CARD10: variants seen among roughly 807,000 people sequenced by gnomAD.
The protein encoded by CARD10 is caspase recruitment domain family member 10.
Under a neutral mutation model 114.6 loss-of-function variants are expected in CARD10, and 49 were observed. The observed-to-expected ratio is 0.43, with a 90% CI of 0.34 to 0.54. The LOEUF (loss-of-function observed/expected upper bound fraction) is 0.54. Ranked by LOEUF, CARD10 falls within the 20% of genes least tolerant of loss-of-function variation. The pLI is 0.03. For synonymous variants in CARD10, 602 were observed against 593.2 expected, an observed-to-expected ratio of 1.01 and a Z score of -0.21; for missense variants, 1,206 against 1,397.2, an observed-to-expected ratio of 0.86 and a Z score of 2.18.
chr22:37,508,953 A>G (rs1298689075), intron 4 of CARD10: 19 of 1,530,228 alleles, frequency 1.2e-5, no homozygotes, highest in Non-Finnish European at 1.7e-5. Flanking sequence ...AAGTTCACCC[A>G]GGATTATTCC....
rs1437062452 is a variant in CARD10 at position 37,502,654 on chromosome 22, C to T, written c.1735G>A (p.Gly579Arg). ...SSSSDSVWPL[G>R]KPEGLLARGC... ...CGAGCCAGGAGGCCTTCCGGCTTTC[C>T]CAAAGGCCACACGCTGTCAGAGGAT... is the stretch of plus-strand genomic sequence containing the variant. The change falls in exon 11 of 20, where the codon GGA becomes AGA. Residue 579 changes from glycine (G) to arginine (R), a missense_variant. Transcript: ENST00000251973. 1 of 1,613,960 alleles carries T rather than the reference C, an allele frequency of 6.2e-7. No homozygotes were observed. The highest frequency in any genetic ancestry group is 8.5e-7 in the Non-Finnish European group (1 of 1,179,978).
chr22:37,518,179 C>G, intron 1 of CARD10, 71 bp from the exon 2 acceptor site: 1 of 1,510,870 alleles, frequency 6.6e-7, no homozygotes, highest in African/African-American at 1.4e-5. Flanking sequence ...TGCTTCTGCC[C>G]CCACCATGCT....
intron 15 of CARD10, chr22:37,494,423 C>T: frequency 3.5e-6 from 2 of 573,812 alleles, no homozygotes; most frequent in South Asian, 2.1e-5. Context: ...CCCGGGAAGC[C>T]AGCCCGTCTG....
chr22:37,510,509 G>A, intron 3 of CARD10, 88 bp from the exon 4 acceptor site: 1 of 1,193,448 alleles, frequency 8.4e-7, no homozygotes, highest in Non-Finnish European at 1.2e-6. Context: ...CCTCACTCCT[G>A]GGTGCCTCCC....
At chr22:37,499,392 C>T (rs1199272983) in intron 11 of CARD10, among the ~76,000 whole-genome samples, 2 of 152,138 alleles carry the variant, frequency 1.3e-5, no homozygotes, top group Non-Finnish European at 2.9e-5. Context: ...TCACCTCTCG[C>T]TTGCCTCAGT....
In CARD10 at chr22:37,494,086, C is replaced by G; in HGVS notation, c.2476G>C (p.Glu826Gln). 1.9e-6 allele frequency: 3 copies of G among 1,551,934 alleles called. No homozygotes were observed. The highest frequency in any genetic ancestry group is 1.7e-6 in the Non-Finnish European group (2 of 1,146,640). Residue 826 changes from glutamate (E) to glutamine (Q), a missense_variant and splice_region_variant, in exon 16 of 20, where the codon GAG becomes CAG. This residue lies in a region of CARD10 where 1,068 missense variants were observed against 1,179.1 expected (regional missense o/e 0.91). Coordinates refer to ENST00000251973, the MANE Select transcript of CARD10 (RefSeq NM_014550.4). The part of the protein sequence containing the change: ...PDQLLLEPCA[E>Q]PERSLRPYSL... ...TACAGCTTTGCCCCCGCGCACTCAC[C>G]TGCACAGGGCTCCAGCAGCAGCTGA... is the stretch of plus-strand genomic sequence containing the variant.
chr22:37,506,479 G>A (rs1271251429), intron 6 of CARD10, 96 bp from the exon 7 acceptor site: 1 of 900,246 alleles, frequency 1.1e-6, no homozygotes, highest in Admixed American at 3.0e-5. Context: ...AAGGAGAATG[G>A]CAGCTATCAC....
Position 37,517,646 on chromosome 22 carries a change from A to C in CARD10, c.373+325T>G, listed in dbSNP as rs376124778. Among the ~76,000 whole-genome samples, 30 of 152,306 alleles carry C rather than the reference A, an allele frequency of 2.0e-4. No individual in the cohort carries two copies. In the East Asian group the frequency reaches 3.9e-3, roughly 20 times the overall value. ...ACAGAGCAAGACACTGTCTCAAAAA[A>C]AAAAAAATTCAAAGTCACCTGGAGC... is the stretch of plus-strand genomic sequence containing the variant. On this transcript the variant is annotated intron_variant, in intron 2 of 19. Transcript: ENST00000251973.
At chr22:37,506,443 C>T (rs1477903536) in intron 6 of CARD10, 60 bp from the exon 7 acceptor site, 2 of 1,350,672 alleles carry the variant, frequency 1.5e-6, no homozygotes, top group African/African-American at 2.9e-5. Flanking sequence ...GCTTTCCTGG[C>T]CTATGACTTG....
chr22:37,496,817 G>A lies in CARD10; in HGVS notation c.1947+202C>T. ...GCAGGAATGTAACGTGCTGTCAGTT[G>A]GCTCCACCTCCCAGTCCCTGCCCAA... On this transcript the variant is annotated intron_variant, in intron 12 of 19. Coordinates refer to ENST00000251973, the MANE Select transcript of CARD10 (RefSeq NM_014550.4). This position sits in a 1 kb window ranked among gnomAD's most constrained non-coding sequence, Gnocchi z 4.1. 1.5e-6 allele frequency: 1 copy of A among 685,326 alleles called. No homozygotes were observed. Among genetic ancestry groups the A allele is most frequent in the African/African-American group, 1.8e-5 (1 of 55,720 alleles). The allele number at this position is 685,326 out of a possible 1,614,324, so 42.5% of individuals were successfully genotyped here. A position where few individuals can be genotyped will look rare whatever the true frequency, so the allele number is the denominator to read the frequency against.
intron 7 of CARD10, among the ~76,000 whole-genome samples, chr22:37,505,359 GC>G (rs1218158630): frequency 6.6e-6 from 1 of 152,026 alleles, no homozygotes; most frequent in Non-Finnish European, 1.5e-5. Context: ...GGCCTGCGGA[GC>G]TCACTGTCAG....
In CARD10 at chr22:37,515,168, T is replaced by C. The variant is rs77840642; in HGVS notation, c.699+805A>G. ...CTTTGGTGAGGATTAGAAGACATGATGTTTAACCTATGTGTCTCTTGATAA... is the reference window on the plus strand; with the variant it reads ...CTTTGGTGAGGATTAGAAGACATGACGTTTAACCTATGTGTCTCTTGATAA... On this transcript the variant is annotated intron_variant, in intron 3 of 19. Coordinates refer to ENST00000251973, the MANE Select transcript of CARD10 (RefSeq NM_014550.4). Among the ~76,000 whole-genome samples the C allele has an allele frequency of 7.5e-3, 1,141 of 152,310 alleles. 18 individuals are homozygous for C. Among genetic ancestry groups the C allele is most frequent in the African/African-American group, 0.026 (1,092 of 41,562 alleles).
Position 37,491,287 on chromosome 22 carries a change from C to T in CARD10, c.2971G>A (p.Ala991Thr), listed in dbSNP as rs769913613. 9.6e-6 allele frequency: 15 copies of T among 1,568,934 alleles called. No homozygotes were observed. The highest frequency in any genetic ancestry group is 1.3e-5 in the Non-Finnish European group (15 of 1,163,466). The change falls in exon 20 of 20, where the codon GCC (alanine) becomes ACC (threonine). Residue 991 changes from alanine (A) to threonine (T), a missense_variant. Physicochemically the swap from Ala to Thr is moderately conservative, Grantham distance 58. Transcript: ENST00000251973. ...GLPCSWVQVP[A>T]HEWGHAEELA... ...TCCTCTGCGTGTCCCCACTCATGGG[C>T]GGGCACCTGCACCCAGGAGCAGGGC... is the stretch of plus-strand genomic sequence containing the variant.
At chr22:37,508,140 T>A (rs1923478168) in intron 5 of CARD10, among the ~76,000 whole-genome samples, 186 bp from the exon 6 acceptor site, 1 of 152,134 alleles carries the variant, frequency 6.6e-6, no homozygotes, top group South Asian at 2.1e-4. Flanking sequence ...AACTGCCTAA[T>A]CTGTAAAACG....
intron 10 of CARD10, 92 bp from the exon 11 acceptor site, chr22:37,502,817 G>C: frequency 3.4e-6 from 5 of 1,468,116 alleles, no homozygotes; most frequent in Non-Finnish European, 4.5e-6. Context: ...CCAGCCCAGA[G>C]AGGCCTTGGC....
rs199880158 is a variant in CARD10, at chr22:37,504,193, G to T, written c.1627C>A (p.Pro543Thr). The change falls in exon 9 of 20, where the codon CCT becomes ACT. Residue 543 changes from proline (P) to threonine (T), a missense_variant. By Grantham distance (38) the Pro-to-Thr change is conservative. Coordinates refer to ENST00000251973, the MANE Select transcript of CARD10 (RefSeq NM_014550.4). Reference protein sequence around the residue: ...RRQREEDPAPPKRSFSSMSDI... With the variant: ...RRQREEDPAPTKRSFSSMSDI... ...TATCCCCAGCCATCTCACCTCTTAG[G>T]GGGTGCGGGGTCTTCCTCACGCTGC... 2.1e-5 allele frequency: 32 copies of T among 1,558,552 alleles called. No individual in the cohort carries two copies. The African/African-American group carries it at 2.7e-4, about 13-fold the overall frequency.
At chr22:37,503,608 C>T (rs1923299026) in intron 9 of CARD10, among the ~76,000 whole-genome samples, 1 of 152,120 alleles carries the variant, frequency 6.6e-6, no homozygotes, top group Non-Finnish European at 1.5e-5. Flanking sequence ...CAGACACCTC[C>T]TTGGGACAGA....
chr22:37,498,910 G>GT (rs1247864613), intron 11 of CARD10, among the ~76,000 whole-genome samples: 2 of 135,402 alleles, frequency 1.5e-5, no homozygotes, highest in Non-Finnish European at 3.2e-5. Flanking sequence ...GGGGGTGGGG[G>GT]GGGGGGGCAC....
At position 37,510,365 on chromosome 22, in the gene CARD10, T is replaced by G. The variant is rs1418761026; in HGVS notation, c.756A>C (p.Arg252=). Reference sequence around the variant, plus strand: ...CCCCAGGGGGCGGGCCCCTGGCCCTTCGAAGCAGTGCACACTCTTCCTCCA... The same window carrying G: ...CCCCAGGGGGCGGGCCCCTGGCCCTGCGAAGCAGTGCACACTCTTCCTCCA... ...SRLEEECALL[R]RARGPPPGAE... is the part of the protein sequence containing the mutation. Residue 252 remains arginine (R), a synonymous_variant, in exon 4 of 20, where the codon CGA becomes CGC. Coordinates refer to ENST00000251973, the MANE Select transcript of CARD10 (RefSeq NM_014550.4). 39 of 1,613,376 alleles carry G rather than the reference T, an allele frequency of 2.4e-5. No individual in the cohort carries two copies. In the Admixed American group the frequency reaches 6.5e-4, roughly 27 times the overall value.
Sources: allele counts gnomAD v4.1 joint callset (sites outside exome capture counted in the v4.1 genomes callset), GRCh38; gene constraint gnomAD v4.1.1; regional missense constraint gnomAD v4.1.1; non-coding constraint Gnocchi (gnomAD v3.1); transcripts MANE v1.5; gene names NCBI Gene and HGNC (gene_info 2026-07-23, HGNC 2026-07-21).